CHCHD6: variants seen among roughly 807,000 people sequenced by gnomAD.
CHCHD6 encodes the protein MICOS complex subunit MIC25.
A neutral mutation model predicts 32.3 loss-of-function variants in CHCHD6; 28 were observed. That is an observed-to-expected ratio of 0.87 (90% CI 0.64 to 1.19). The LOEUF is 1.19. Among genes scored for constraint, CHCHD6 ranks in the 50% most tolerant of loss-of-function variants. The pLI, the probability that CHCHD6 is intolerant of heterozygous loss-of-function variation, is 0.00. For synonymous variants in CHCHD6, 122 were observed against 117.5 expected, an observed-to-expected ratio of 1.04 and a Z score of -0.25; for missense variants, 333 against 307.0, an observed-to-expected ratio of 1.08 and a Z score of -0.63.
chr3:126,914,801 T>G lies in CHCHD6; in HGVS notation c.566+51T>G. On this transcript the variant is annotated intron_variant, in intron 6 of 7. Transcript: ENST00000290913. ...TAAACTTGGCCCACAATTGTAAAAA[T>G]TCCCACATGTGGCTTGAAACCTGCC... 2.8e-6 allele frequency: 3 copies of G among 1,066,782 alleles called. No individual in the cohort carries two copies. In the South Asian group the frequency reaches 3.8e-5, roughly 13 times the overall value. The allele number at this position is 1,066,782 out of a possible 1,614,324, so 66.1% of individuals were successfully genotyped here.
At chr3:126,903,669 G>T (rs1472100966) in intron 5 of CHCHD6, among the ~76,000 whole-genome samples, 1 of 152,208 alleles carries the variant, frequency 6.6e-6, no homozygotes, top group African/African-American at 2.4e-5. Flanking sequence ...CCTAGCCTTT[G>T]TGCAGATAGT....
At chr3:126,708,742 A>G (rs1934620685) in intron 1 of CHCHD6, among the ~76,000 whole-genome samples, 1 of 152,152 alleles carries the variant, frequency 6.6e-6, no homozygotes, top group Non-Finnish European at 1.5e-5. Context: ...CTGTGGTGAC[A>G]GAATTGGACA....
intron 6 of CHCHD6, chr3:126,935,231 C>T (rs781338111): frequency 3.1e-5 from 24 of 784,096 alleles, no homozygotes; most frequent in Non-Finnish European, 3.6e-5. Context: ...GCAGAGGGCT[C>T]AGTGTATCCC....
At chr3:126,849,356 T>A (rs900639334) in intron 4 of CHCHD6, among the ~76,000 whole-genome samples, 3 of 152,238 alleles carry the variant, frequency 2.0e-5, no homozygotes, top group African/African-American at 7.2e-5. Flanking sequence ...CTGTTTGGTA[T>A]TGGACACTTT....
intron 4 of CHCHD6, among the ~76,000 whole-genome samples, chr3:126,767,996 A>G (rs1937444279): frequency 6.6e-6 from 1 of 152,188 alleles, no homozygotes; most frequent in South Asian, 2.1e-4. Flanking sequence ...CCAGTGTACC[A>G]TGGATGAGTA....
chr3:126,839,049 C>T (rs1164876714), intron 4 of CHCHD6, among the ~76,000 whole-genome samples: 1 of 151,868 alleles, frequency 6.6e-6, no homozygotes, highest in African/African-American at 2.4e-5. Context: ...CCACTATGCC[C>T]AGCTAATTTT....
chr3:126,800,267 A>G (rs1479042192), intron 4 of CHCHD6, among the ~76,000 whole-genome samples: 1 of 152,158 alleles, frequency 6.6e-6, no homozygotes, highest in African/African-American at 2.4e-5. Context: ...TGAACATACC[A>G]TTTCCCTTTG....
chr3:126,766,887 C>T, intron 4 of CHCHD6: 1 of 993,546 alleles, frequency 1.0e-6, no homozygotes, highest in South Asian at 1.3e-5. Context: ...GGGGGACCAT[C>T]TCATCCTGCT....
chr3:126,862,389 C>CTCT (rs1306971695), intron 5 of CHCHD6, among the ~76,000 whole-genome samples: 2 of 141,640 alleles, frequency 1.4e-5, no homozygotes, highest in Non-Finnish European at 3.1e-5. Flanking sequence ...CCACCTCCTC[C>CTCT]TCCTCTACCA....
At chr3:126,739,088 T>G (rs1269110599) in intron 4 of CHCHD6, among the ~76,000 whole-genome samples, 1 of 152,210 alleles carries the variant, frequency 6.6e-6, no homozygotes, top group African/African-American at 2.4e-5. Flanking sequence ...GTGTGAGTGT[T>G]ATGTGGAGAT....
At chr3:126,911,991 G>T (rs916012802) in intron 5 of CHCHD6, among the ~76,000 whole-genome samples, 7 of 152,222 alleles carry the variant, frequency 4.6e-5, no homozygotes, top group African/African-American at 1.7e-4. Flanking sequence ...AGGATGAATT[G>T]TGGGGGGCGG....
chr3:126,817,040 A>G (rs895587200), intron 4 of CHCHD6, among the ~76,000 whole-genome samples: 22 of 152,148 alleles, frequency 1.4e-4, no homozygotes, highest in African/African-American at 4.8e-4. Flanking sequence ...AAGGACATGA[A>G]CTCATCCTTT....
intron 5 of CHCHD6, among the ~76,000 whole-genome samples, chr3:126,891,301 G>T (rs2077756184): frequency 6.6e-6 from 1 of 152,162 alleles, no homozygotes; most frequent in African/African-American, 2.4e-5. Flanking sequence ...AGCGACTGAG[G>T]AGTAGATCTG....
At chr3:126,942,951 A>G (rs553325934) in intron 6 of CHCHD6, among the ~76,000 whole-genome samples, 1 of 152,268 alleles carries the variant, frequency 6.6e-6, no homozygotes, top group Non-Finnish European at 1.5e-5. Context: ...TGATACTTCC[A>G]GTTCTAATAT....
At chr3:126,866,157 C>T (rs1034906143) in intron 5 of CHCHD6, among the ~76,000 whole-genome samples, 4 of 152,004 alleles carry the variant, frequency 2.6e-5, no homozygotes, top group African/African-American at 4.8e-5. Flanking sequence ...GTTCTGATCT[C>T]GTAGGGTAGT....
At chr3:126,814,985 G>A (rs1213795986) in intron 4 of CHCHD6, among the ~76,000 whole-genome samples, 1 of 152,250 alleles carries the variant, frequency 6.6e-6, no homozygotes, top group Non-Finnish European at 1.5e-5. Context: ...AGCGTCTGCT[G>A]TAGAATTAAT....
intron 5 of CHCHD6, among the ~76,000 whole-genome samples, chr3:126,886,203 T>C (rs889295950): frequency 6.6e-6 from 1 of 152,230 alleles, no homozygotes; most frequent in African/African-American, 2.4e-5. Context: ...ATAACAAACT[T>C]TTATAGATAT....
intron 1 of CHCHD6, among the ~76,000 whole-genome samples, chr3:126,709,132 A>T (rs935436822): frequency 6.6e-6 from 1 of 152,132 alleles, no homozygotes; most frequent in Non-Finnish European, 1.5e-5. Context: ...GATTTGTATA[A>T]TTTTTTTGGT....
At chr3:126,907,422 A>C (rs554767569) in intron 5 of CHCHD6, among the ~76,000 whole-genome samples, 1 of 152,214 alleles carries the variant, frequency 6.6e-6, no homozygotes, top group Non-Finnish European at 1.5e-5. Flanking sequence ...AGCTGACTGC[A>C]TGTCCTGAGC....
Sources: gnomAD v4.1 joint callset for allele counts (sites outside exome capture counted in the v4.1 genomes callset) on GRCh38, gnomAD v4.1.1 for gene constraint, MANE v1.5 for transcripts, NCBI Gene and HGNC (gene_info 2026-07-23, HGNC 2026-07-21) for gene names.